The following VPS13B variants were observed in gnomAD, a reference collection of about 807,000 sequenced individuals.
The protein encoded by VPS13B is intermembrane lipid transfer protein VPS13B.
Under a neutral mutation model 426.4 loss-of-function variants are expected in VPS13B, and 285 were observed. That is an observed-to-expected ratio of 0.67 (90% CI 0.61 to 0.74). The LOEUF is 0.74. VPS13B is among the 30% of genes least tolerant of loss of function. The probability of loss-of-function intolerance (pLI) is 0.00; values close to 1 mark genes in which losing one functional copy is unlikely to be tolerated. For synonymous variants in VPS13B, 1,676 were observed against 1,676.4 expected (o/e 1.00, Z 0.01); for missense variants, 4,537 against 4,782.6 (o/e 0.95, Z 1.51).
At chr8:99,210,104 T>C (rs1814991106) in intron 17 of VPS13B, among the ~76,000 whole-genome samples, 1 of 152,182 alleles carries the variant, frequency 6.6e-6, no homozygotes, top group Non-Finnish European at 1.5e-5. Context: ...CAATTTCAAG[T>C]AATAAATTAT....
intron 39 of VPS13B, 99 bp downstream of exon 39, chr8:99,721,146 T>C: frequency 1.6e-6 from 2 of 1,236,802 alleles, no homozygotes; most frequent in Middle Eastern, 1.9e-4. Flanking sequence ...CTTACATTAA[T>C]AGTATCAGAG....
intron 54 of VPS13B, among the ~76,000 whole-genome samples, chr8:99,845,803 T>A (rs985136224): frequency 6.6e-6 from 1 of 152,204 alleles, no homozygotes; most frequent in African/African-American, 2.4e-5. Flanking sequence ...GCAGGCCTTA[T>A]GTTTTCCCGA....
chr8:99,369,957 AT>A (rs1813091505), intron 19 of VPS13B, among the ~76,000 whole-genome samples: 1 of 152,042 alleles, frequency 6.6e-6, no homozygotes, highest in African/African-American at 2.4e-5. Flanking sequence ...TTTACCTGTC[AT>A]TAGTAATCAC....
chr8:99,834,539 A>ATTTTT (rs66695321), intron 52 of VPS13B, among the ~76,000 whole-genome samples: 2 of 145,078 alleles, frequency 1.4e-5, no homozygotes. Flanking sequence ...TCTTATTTTT[A>ATTTTT]TTTTTTATTT....
At chr8:99,199,513 C>T (rs1419324961) in intron 17 of VPS13B, among the ~76,000 whole-genome samples, 1 of 152,106 alleles carries the variant, frequency 6.6e-6, no homozygotes, top group African/African-American at 2.4e-5. Context: ...TGTACACCAC[C>T]TTTCATCATA....
intron 2 of VPS13B, among the ~76,000 whole-genome samples, chr8:99,030,722 CTG>C (rs1324184617): frequency 6.6e-6 from 1 of 152,114 alleles, no homozygotes; most frequent in African/African-American, 2.4e-5. Context: ...GTTTTTTTAA[CTG>C]TGTGGCATTA....
chr8:99,698,568 C>T (rs1832131049), intron 35 of VPS13B, among the ~76,000 whole-genome samples: 1 of 152,128 alleles, frequency 6.6e-6, no homozygotes, highest in Admixed American at 6.5e-5. Context: ...AATAATATGC[C>T]TAATAACTTT....
At chr8:99,199,846 C>T (rs1194618733) in intron 17 of VPS13B, among the ~76,000 whole-genome samples, 1 of 151,108 alleles carries the variant, frequency 6.6e-6, no homozygotes, top group African/African-American at 2.4e-5. Context: ...TCTTTCTTTT[C>T]CTTTCCCTTC....
chr8:99,422,311 C>CA (rs1043572073), intron 21 of VPS13B, among the ~76,000 whole-genome samples: 13 of 152,052 alleles, frequency 8.5e-5, no homozygotes, highest in African/African-American at 2.9e-4. Flanking sequence ...ATCATTATAT[C>CA]AGAGAACATA....
At chr8:99,537,659 T>C (rs1351493273) in intron 30 of VPS13B, among the ~76,000 whole-genome samples, 1 of 152,186 alleles carries the variant, frequency 6.6e-6, no homozygotes, top group African/African-American at 2.4e-5. Context: ...TTTAAATGTG[T>C]CTGATCACCT....
chr8:99,144,506 A>AG (rs71273166), intron 13 of VPS13B, among the ~76,000 whole-genome samples: 2 of 150,864 alleles, frequency 1.3e-5, no homozygotes, highest in African/African-American at 4.9e-5. Flanking sequence ...AAAAAAAAAA[A>AG]GCTGCTGTTT....
intron 33 of VPS13B, among the ~76,000 whole-genome samples, chr8:99,634,187 C>CT (rs1360365285): frequency 1.3e-5 from 2 of 151,902 alleles, no homozygotes; most frequent in Non-Finnish European, 1.5e-5. Flanking sequence ...TTGAACTTAC[C>CT]TATGTGCCCA....
chr8:99,389,074 G>A (rs1421758044), intron 20 of VPS13B, among the ~76,000 whole-genome samples: 2 of 152,164 alleles, frequency 1.3e-5, no homozygotes, highest in Non-Finnish European at 2.9e-5. Context: ...GCTTGAACCC[G>A]GAGGGCAGAT....
At chr8:99,671,647 T>A (rs1310847418) in intron 35 of VPS13B, among the ~76,000 whole-genome samples, 1 of 152,002 alleles carries the variant, frequency 6.6e-6, no homozygotes, top group African/African-American at 2.4e-5. Flanking sequence ...AGCTTTTGGG[T>A]TTGTTTGTTT....
At chr8:99,752,121 C>T (rs375832878) in intron 39 of VPS13B, among the ~76,000 whole-genome samples, 14 of 152,080 alleles carry the variant, frequency 9.2e-5, no homozygotes, top group African/African-American at 2.9e-4. Flanking sequence ...AGAGGAGGAT[C>T]GCTTGAGCCT....
chr8:99,234,772 T>A (rs1816549769), intron 17 of VPS13B, among the ~76,000 whole-genome samples: 1 of 152,244 alleles, frequency 6.6e-6, no homozygotes, highest in Admixed American at 6.5e-5. Flanking sequence ...AATAAAACAT[T>A]TAAACTATAT....
At chr8:99,517,729 A>G (rs1822162907) in intron 29 of VPS13B, among the ~76,000 whole-genome samples, 1 of 152,140 alleles carries the variant, frequency 6.6e-6, no homozygotes, top group Admixed American at 6.6e-5. Context: ...TTTAAAAAAT[A>G]GAGTTAAAGC....
At chr8:99,490,815 G>T (rs554277664) in intron 25 of VPS13B, among the ~76,000 whole-genome samples, 28 of 152,150 alleles carry the variant, frequency 1.8e-4, no homozygotes, top group African/African-American at 5.8e-4. Context: ...AGTCTTGCTA[G>T]TGGTCTATCT....
At chr8:99,697,741 G>A (rs1439599804) in intron 35 of VPS13B, 4 of 622,566 alleles carry the variant, frequency 6.4e-6, no homozygotes, top group East Asian at 3.4e-5. Flanking sequence ...CCTAGGGCGC[G>A]CCCGTAGGGG....
Sources: gnomAD v4.1 joint callset for allele counts (sites outside exome capture counted in the v4.1 genomes callset) on GRCh38, gnomAD v4.1.1 for gene constraint, MANE v1.5 for transcripts, NCBI Gene and HGNC (gene_info 2026-07-23, HGNC 2026-07-21) for gene names.